Variants in OCIAD1 observed in about 807,000 individuals in gnomAD.
OCIAD1 encodes OCIA domain-containing protein 1.
OCIAD1 carries 29 observed loss-of-function variants against 38.9 expected under a neutral mutation model. The observed-to-expected ratio is 0.74, with a 90% confidence interval of 0.55 to 1.02. OCIAD1 has a LOEUF of 1.02. Among genes scored for constraint, OCIAD1 ranks in the 50% least tolerant of loss-of-function variants. The pLI, the probability that OCIAD1 is intolerant of heterozygous loss-of-function variation, is 0.00. For missense variants in OCIAD1, 288 were observed against 289.6 expected, an observed-to-expected ratio of 0.99 and a Z score of 0.04; for synonymous variants, 110 against 92.0, an observed-to-expected ratio of 1.20 and a Z score of -1.12.
At chr4:48,806,008 T>C (rs1022400373) in intron 1 of OCIAD1, among the ~76,000 whole-genome samples, 2 of 152,218 alleles carry the variant, frequency 1.3e-5, no homozygotes, top group Admixed American at 6.5e-5. Context: ...GGCTCACGCC[T>C]GTAATCCCAA....
In OCIAD1 at chr4:48,860,769, A is replaced by G. The variant is rs756536332; in HGVS notation, c.*7A>G. ...AGATACTTGGGATGAGTGAAAAATT[A>G]CATCATTGGACATGAAGGAGTTTCA... On this transcript the variant is annotated 3_prime_UTR_variant, in exon 9 of 9. Transcript: ENST00000264312. 2 of 1,598,730 alleles carry G rather than the reference A, an allele frequency of 1.3e-6. No homozygotes were observed. Among genetic ancestry groups the G allele is most frequent in the East Asian group, 4.5e-5 (2 of 44,728 alleles).
rs113301726 is a variant in OCIAD1, at chr4:48,849,808, C to T, written c.242-139C>T. 96 of 674,618 alleles carry T rather than the reference C, an allele frequency of 1.4e-4. 1 individual carries two copies. In the Middle Eastern group the frequency reaches 3.5e-3, roughly 24 times the overall value. The allele number at this position is 674,618 out of a possible 1,614,324, so 41.8% of individuals were successfully genotyped here. On this transcript the variant is annotated intron_variant, in intron 5 of 8. Transcript: ENST00000264312. The stretch of plus-strand genomic sequence containing the variant: ...TCTGATTTAATTTTGATTTCTTCTA[C>T]CATTATTTCAGGAAATCTCAGTCTT...
At position 48,833,329 on chromosome 4, in the gene OCIAD1, G is replaced by A. The variant is rs576885210; in HGVS notation, c.59-72G>A. On this transcript the variant is annotated intron_variant, in intron 2 of 8. Transcript: ENST00000264312. ...AATGGGTGCCTCTTGTTAATGTTTA[G>A]GCTAAGATAATTTTTCAGACCTAGT... 1.0e-5 allele frequency: 9 copies of A among 892,448 alleles called. No homozygotes were observed. In the East Asian group the frequency reaches 2.2e-4, roughly 22 times the overall value. 55.3% of individuals were successfully genotyped at this position (892,448 alleles called of 1,614,324 possible).
Position 48,848,448 on chromosome 4 carries a change from T to G in OCIAD1, c.241+2T>G. 7.0e-7 allele frequency: 1 copy of G among 1,427,806 alleles called. No homozygotes were observed. The highest frequency in any genetic ancestry group is 9.8e-7 in the Non-Finnish European group (1 of 1,021,822). 88.4% of individuals were successfully genotyped at this position (1,427,806 alleles called of 1,614,324 possible). The stretch of plus-strand genomic sequence containing the variant: ...ATGGTTCCATCCCTAAACTTATACG[T>G]AAGTATGAACAACATTGTAGTTTTC... On this transcript the variant is annotated splice_donor_variant, in intron 5 of 8. Coordinates refer to ENST00000264312, the MANE Select transcript of OCIAD1 (RefSeq NM_017830.4). LOFTEE classifies it high-confidence loss of function.
At chr4:48,837,493 A>G (rs1347558241) in intron 3 of OCIAD1, among the ~76,000 whole-genome samples, 1 of 150,020 alleles carries the variant, frequency 6.7e-6, no homozygotes, top group Admixed American at 6.6e-5. Flanking sequence ...GAGTTTCACC[A>G]TGTTGGCCAG....
chr4:48,839,725 G>C (rs1447433564), intron 3 of OCIAD1, among the ~76,000 whole-genome samples: 1 of 152,198 alleles, frequency 6.6e-6, no homozygotes, highest in East Asian at 1.9e-4. Flanking sequence ...TTTTGTTACT[G>C]TGAGGGGAGA....
intron 3 of OCIAD1, among the ~76,000 whole-genome samples, chr4:48,841,918 A>AT (rs1778570820): frequency 6.6e-6 from 1 of 152,340 alleles, no homozygotes; most frequent in Admixed American, 6.5e-5. Flanking sequence ...AAGAAAGAAC[A>AT]TAAGTGTTTA....
Position 48,850,070 on chromosome 4 carries a change from C to T in OCIAD1, c.365C>T (p.Ser122Phe), listed in dbSNP as rs1403343433. 1 of 1,611,620 alleles carries T rather than the reference C, an allele frequency of 6.2e-7. No individual in the cohort carries two copies. Among genetic ancestry groups the T allele is most frequent in the East Asian group, 2.2e-5 (1 of 44,852 alleles). ...TTACGATCAGGACAAGCACGACGAT[C>T]TTCACCACCTGGGTAGGCCAGATTC... ...EALRSGQARR[S>F]SPPGHYYQKS... is the part of the protein sequence containing the mutation. The change falls in exon 6 of 9, where the codon TCT becomes TTT. Residue 122 changes from serine (S) to phenylalanine (F), a missense_variant. Physicochemically the swap from Ser to Phe is radical, Grantham distance 155. Transcript: ENST00000264312.
intron 1 of OCIAD1, among the ~76,000 whole-genome samples, chr4:48,806,737 C>G (rs1777027935): frequency 6.6e-6 from 1 of 152,126 alleles, no homozygotes; most frequent in African/African-American, 2.4e-5. Flanking sequence ...TCCCGAGTAC[C>G]TGGGACTACA....
chr4:48,834,729 A>G (rs530075475), intron 3 of OCIAD1, among the ~76,000 whole-genome samples: 2 of 152,252 alleles, frequency 1.3e-5, no homozygotes, highest in South Asian at 4.1e-4. Flanking sequence ...GCAGTGAGCT[A>G]TGATCACATC....
chr4:48,856,915 T>G (rs531452182), intron 7 of OCIAD1: 283 of 167,236 alleles, frequency 1.7e-3, no homozygotes, highest in Non-Finnish European at 2.9e-3. Context: ...TTAATGAGTT[T>G]AAATTGTACT....
At chr4:48,823,824 CTTTTTTTTTTT>C (rs71660459) in intron 1 of OCIAD1, among the ~76,000 whole-genome samples, 5 of 70,130 alleles carry the variant, frequency 7.1e-5, no homozygotes, top group Admixed American at 2.4e-4. Context: ...CAATGCCTGG[CTTTTTTTTTTT>C]TTTTTTTTTT....
intron 3 of OCIAD1, among the ~76,000 whole-genome samples, chr4:48,834,480 A>G (rs1380214535): frequency 1.3e-5 from 2 of 152,010 alleles, no homozygotes; most frequent in Non-Finnish European, 2.9e-5. Context: ...TTTTTTTTTA[A>G]AAAAGGCAAC....
At chr4:48,848,585 A>AT (rs1779163949) in intron 5 of OCIAD1, 139 bp downstream of exon 5, 1 of 411,170 alleles carries the variant, frequency 2.4e-6, no homozygotes, top group African/African-American at 2.1e-5. Flanking sequence ...AAAGCATTTC[A>AT]TTAAGTGGAT....
upstream of OCIAD1, chr4:48,830,886 G>C (rs1012267637): frequency 3.9e-5 from 6 of 154,624 alleles, no homozygotes; most frequent in African/African-American, 1.4e-4. Flanking sequence ...CCGCCATCCA[G>C]GGAAGGGGCG....
intron 1 of OCIAD1, among the ~76,000 whole-genome samples, chr4:48,813,033 T>A (rs1291896586): frequency 6.6e-6 from 1 of 152,126 alleles, no homozygotes; most frequent in Non-Finnish European, 1.5e-5. Flanking sequence ...GCTGTGTGTG[T>A]CATAGAGGAA....
intron 1 of OCIAD1, among the ~76,000 whole-genome samples, chr4:48,832,394 A>G (rs968360164): frequency 1.3e-5 from 2 of 152,222 alleles, no homozygotes; most frequent in Non-Finnish European, 2.9e-5. Context: ...TGCTTTTTCA[A>G]TTAAGGGACT....
intron 3 of OCIAD1, among the ~76,000 whole-genome samples, chr4:48,835,022 C>T (rs1161239755): frequency 6.6e-6 from 1 of 152,216 alleles, no homozygotes; most frequent in Non-Finnish European, 1.5e-5. Context: ...CAACATCCTT[C>T]TCCTGGGTTC....
At chr4:48,818,193 T>A (rs578073118) in intron 1 of OCIAD1, among the ~76,000 whole-genome samples, 1 of 152,172 alleles carries the variant, frequency 6.6e-6, no homozygotes, top group East Asian at 1.9e-4. Flanking sequence ...ATCAGGCCAG[T>A]GCCCCTCTGG....
Sources: allele counts gnomAD v4.1 joint callset (sites outside exome capture counted in the v4.1 genomes callset), GRCh38; gene constraint gnomAD v4.1.1; transcripts MANE v1.5; gene names NCBI Gene and HGNC (gene_info 2026-07-23, HGNC 2026-07-21).